The following CACNB2 variants were observed in gnomAD, a reference collection of about 807,000 sequenced individuals.
CACNB2 encodes voltage-dependent L-type calcium channel subunit beta-2.
Under a neutral mutation model 73.3 loss-of-function variants are expected in CACNB2, and 42 were observed. The observed-to-expected ratio is 0.57, with a 90% CI of 0.45 to 0.74. The LOEUF is 0.74. Ranked by LOEUF, CACNB2 falls within the 30% of genes least tolerant of loss-of-function variation. CACNB2 has a pLI of 0.00. For missense variants in CACNB2, 940 were observed against 853.0 expected, an observed-to-expected ratio of 1.10 and a Z score of -1.27; for synonymous variants, 348 against 310.3, an observed-to-expected ratio of 1.12 and a Z score of -1.28.
intron 3 of CACNB2, among the ~76,000 whole-genome samples, chr10:18,465,978 G>A (rs1184453008): frequency 6.6e-6 from 1 of 152,114 alleles, no homozygotes; most frequent in Admixed American, 6.6e-5. Flanking sequence ...ACTGCGCCCG[G>A]CCCCAACTTC....
intron 1 of CACNB2, among the ~76,000 whole-genome samples, chr10:18,143,040 A>G (rs1041819792): frequency 2.0e-5 from 3 of 152,250 alleles, no homozygotes; most frequent in African/African-American, 7.2e-5. Context: ...CCCAGAAGTA[A>G]GAAGTCTTAC....
At chr10:18,325,718 C>CCTTCCTTCCTTCCT (rs2040565136) in intron 2 of CACNB2, among the ~76,000 whole-genome samples, 2 of 121,538 alleles carry the variant, frequency 1.6e-5, no homozygotes, top group Admixed American at 9.6e-5. Flanking sequence ...TTCCTTCCTT[C>CCTTCCTTCCTTCCT]TCTCTCTTTC....
chr10:18,329,961 C>T lies in CACNB2; in HGVS notation c.214-71963C>T, dbSNP rs547152285. 5.1e-4 allele frequency among the ~76,000 whole-genome samples: 77 copies of T among 152,240 alleles called. 1 individual carries two copies. The highest frequency in any genetic ancestry group is 8.2e-4 in the Non-Finnish European group (56 of 68,028). Reference sequence around the variant, plus strand: ...TTTCAAGCGATTCTTCTGCCTCAGCCTACCAAATAGCTGGGATTACAGGCA... The same window carrying T: ...TTTCAAGCGATTCTTCTGCCTCAGCTTACCAAATAGCTGGGATTACAGGCA... On this transcript the variant is annotated intron_variant, in intron 2 of 13. Transcript: ENST00000324631.
intron 2 of CACNB2, chr10:18,238,363 T>C (rs924875589): frequency 6.6e-6 from 1 of 152,220 alleles, no homozygotes; most frequent in African/African-American, 2.4e-5. Flanking sequence ...CCTGATTCTG[T>C]ACTGATGAAA....
chr10:18,524,987 T>C (rs558641541), intron 9 of CACNB2, among the ~76,000 whole-genome samples: 25 of 138,754 alleles, frequency 1.8e-4, no homozygotes, highest in Admixed American at 3.1e-4. Flanking sequence ...CTATGATTAC[T>C]ACACCCTTGC....
intron 3 of CACNB2, among the ~76,000 whole-genome samples, chr10:18,446,530 A>G (rs945140869): frequency 6.6e-6 from 1 of 152,142 alleles, no homozygotes; most frequent in African/African-American, 2.4e-5. Context: ...ATAACTGGAG[A>G]CAAGAGAGGA....
intron 3 of CACNB2, among the ~76,000 whole-genome samples, chr10:18,416,928 G>T (rs1281544930): frequency 1.3e-5 from 2 of 151,076 alleles, no homozygotes; most frequent in African/African-American, 4.9e-5. Context: ...CAGAATTAGG[G>T]CAAGGACCCA....
intron 2 of CACNB2, among the ~76,000 whole-genome samples, chr10:18,253,776 C>T (rs2037176902): frequency 6.6e-6 from 1 of 152,112 alleles, no homozygotes; most frequent in Admixed American, 6.6e-5. Flanking sequence ...CTTCCATCCC[C>T]ATGTAATAAT....
intron 2 of CACNB2, among the ~76,000 whole-genome samples, chr10:18,304,095 A>G (rs1405972535): frequency 2.0e-5 from 3 of 152,140 alleles, no homozygotes; most frequent in Admixed American, 6.5e-5. Flanking sequence ...AGCTAGAACT[A>G]CAAGCTTGCA....
intron 2 of CACNB2, among the ~76,000 whole-genome samples, chr10:18,361,636 A>G (rs1393067825): frequency 1.4e-5 from 2 of 144,364 alleles, no homozygotes; most frequent in African/African-American, 5.2e-5. Context: ...TTTTCGAAAC[A>G]TAGTCTTGCT....
intron 2 of CACNB2, among the ~76,000 whole-genome samples, chr10:18,379,415 T>A (rs1164741870): frequency 6.6e-6 from 1 of 152,136 alleles, no homozygotes. Context: ...GGTTTTACCA[T>A]GTTGACCAGG....
At chr10:18,276,310 A>G (rs948431465) in intron 2 of CACNB2, among the ~76,000 whole-genome samples, 7 of 152,214 alleles carry the variant, frequency 4.6e-5, no homozygotes, top group Non-Finnish European at 1.0e-4. Flanking sequence ...ACAGCCTTCT[A>G]CTACATGAAG....
At chr10:18,323,454 A>G (rs913989733) in intron 2 of CACNB2, among the ~76,000 whole-genome samples, 1 of 151,992 alleles carries the variant, frequency 6.6e-6, no homozygotes, top group African/African-American at 2.4e-5. Context: ...ATTCCATTTT[A>G]GAACCTATAT....
At chr10:18,420,580 C>G (rs1040987371) in intron 3 of CACNB2, among the ~76,000 whole-genome samples, 1 of 152,150 alleles carries the variant, frequency 6.6e-6, no homozygotes, top group African/African-American at 2.4e-5. Flanking sequence ...AAGCCCCCAA[C>G]AGATTGGATC....
chr10:18,197,394 G>A (rs953870522), intron 2 of CACNB2, among the ~76,000 whole-genome samples: 3 of 152,172 alleles, frequency 2.0e-5, no homozygotes, highest in African/African-American at 7.2e-5. Flanking sequence ...CCTGGCTTAA[G>A]CAATAAAGAA....
intron 2 of CACNB2, among the ~76,000 whole-genome samples, chr10:18,322,068 A>G (rs1258448456): frequency 1.3e-5 from 2 of 152,052 alleles, no homozygotes; most frequent in African/African-American, 4.8e-5. Flanking sequence ...AGGCAGGAGG[A>G]TCTCTTGAGC....
chr10:18,445,691 A>G (rs2046698303), intron 3 of CACNB2, among the ~76,000 whole-genome samples: 1 of 152,224 alleles, frequency 6.6e-6, no homozygotes, highest in Non-Finnish European at 1.5e-5. Flanking sequence ...TGGGATGTCA[A>G]AAAGAGAAGG....
At chr10:18,443,776 A>G (rs2046595691) in intron 3 of CACNB2, among the ~76,000 whole-genome samples, 1 of 148,102 alleles carries the variant, frequency 6.8e-6, no homozygotes, top group African/African-American at 2.5e-5. Flanking sequence ...ATGCAGTGGC[A>G]TGATCTCAGC....
chr10:18,165,206 A>G (rs570344993), intron 2 of CACNB2, among the ~76,000 whole-genome samples: 36 of 152,282 alleles, frequency 2.4e-4, no homozygotes, highest in Middle Eastern at 3.4e-3. Flanking sequence ...AATGAGTTGA[A>G]ATGTTCTAGG....
Sources: allele counts gnomAD v4.1 joint callset (sites outside exome capture counted in the v4.1 genomes callset), GRCh38; gene constraint gnomAD v4.1.1; transcripts MANE v1.5; gene names NCBI Gene and HGNC (gene_info 2026-07-23, HGNC 2026-07-21).